NOX1: variants seen among roughly 807,000 people sequenced by gnomAD.
NOX1 encodes the protein NADPH oxidase 1, also known as NADH/NADPH mitogenic oxidase subunit P65-MOX.
NOX1 carries 34 observed loss-of-function variants against 42.5 expected under a neutral mutation model. The observed-to-expected ratio is 0.80, with a 90% CI of 0.61 to 1.07. The LOEUF is 1.07. NOX1 is among the 50% of genes least tolerant of loss of function. The pLI, the probability that NOX1 is intolerant of heterozygous loss-of-function variation, is 0.00. For missense variants in NOX1, 408 were observed against 427.0 expected, an observed-to-expected ratio of 0.96 and a Z score of 0.39; for synonymous variants, 143 against 152.5, an observed-to-expected ratio of 0.94 and a Z score of 0.46.
intron 7 of NOX1, 129 bp from the exon 8 acceptor site, chrX:100,851,454 A>C: frequency 2.9e-6 from 1 of 347,093 alleles, no homozygotes; most frequent in Non-Finnish European, 5.0e-6. Context: ...TACTAATTTC[A>C]CCAAATCTGG....
chrX:100,845,709 G>T (rs1395460503), intron 12 of NOX1, among the ~76,000 whole-genome samples: 6 of 102,589 alleles, frequency 5.8e-5, no homozygotes, highest in Non-Finnish European at 3.9e-5. Flanking sequence ...TCCACCTCCC[G>T]GGTTCAAGCG....
chrX:100,847,191 G>GA (rs1272390308), intron 12 of NOX1, among the ~76,000 whole-genome samples: 2 of 110,253 alleles, frequency 1.8e-5, no homozygotes, highest in Admixed American at 1.9e-4. Context: ...TGTGTCTCGA[G>GA]AAAAAAAGAG....
chrX:100,869,142 G>A (rs1237649649), intron 2 of NOX1, among the ~76,000 whole-genome samples: 2 of 110,876 alleles, frequency 1.8e-5, no homozygotes, highest in African/African-American at 3.3e-5. Flanking sequence ...TTGGCGATGC[G>A]GGCTCTTTTT....
rs779909590 is a variant in NOX1 at position 100,862,380 on chromosome X, C to T, written c.671+12G>A. Reference sequence around the variant, plus strand: ...GGGCTGGGGCATGAGAATGAGGGTTCGAGGATCTTACCCAATGCCGTGAAT... The same window carrying T: ...GGGCTGGGGCATGAGAATGAGGGTTTGAGGATCTTACCCAATGCCGTGAAT... On this transcript the variant is annotated intron_variant, in intron 6 of 12. Transcript: ENST00000372966. The T allele has an allele frequency of 1.5e-5, 18 of 1,208,805 alleles. No homozygotes were observed. The highest frequency in any genetic ancestry group is 1.8e-5 in the Non-Finnish European group (16 of 893,228).
At position 100,862,264 on chromosome X, in the gene NOX1, C is replaced by G. The variant is rs756894416; in HGVS notation, c.711G>C (p.Glu237Asp). ...VRGQTEESMN[E>D]SHPRKCAESF... ...ACTCTGCACACTTGCGAGGATGACT[C>G]TCATTCATGCTCTCCTCTGTTTGAC... is the stretch of plus-strand genomic sequence containing the variant. The change falls in exon 7 of 13, where the codon GAG becomes GAC. Residue 237 changes from glutamate (E) to aspartate (D), a missense_variant. Coordinates refer to ENST00000372966, the MANE Select transcript of NOX1 (RefSeq NM_007052.5). 5.8e-6 allele frequency: 7 copies of G among 1,208,593 alleles called. No homozygotes were observed. In the Admixed American group the frequency reaches 6.6e-5, roughly 11 times the overall value.
At chrX:100,859,100 T>C (rs977723537) in intron 7 of NOX1, among the ~76,000 whole-genome samples, 5 of 111,924 alleles carry the variant, frequency 4.5e-5, no homozygotes, top group African/African-American at 1.6e-4. Context: ...TTTTGAAATA[T>C]GTTCCAGCAA....
chrX:100,844,488 A>G (rs946513993), intron 12 of NOX1, among the ~76,000 whole-genome samples: 3 of 111,138 alleles, frequency 2.7e-5, no homozygotes, highest in Admixed American at 9.5e-5. Flanking sequence ...GCTGGAGTGC[A>G]GTGGCACAAT....
At chrX:100,845,978 G>T in intron 12 of NOX1, among the ~76,000 whole-genome samples, 1 of 110,441 alleles carries the variant, frequency 9.1e-6, no homozygotes, top group Non-Finnish European at 1.9e-5. Flanking sequence ...AGTAAAGACA[G>T]GGTTTCACCG....
chrX:100,869,979 T>C (rs2085263427), intron 2 of NOX1, among the ~76,000 whole-genome samples: 1 of 93,298 alleles, frequency 1.1e-5, no homozygotes, highest in Admixed American at 1.2e-4. Flanking sequence ...GATTTGTGTA[T>C]ATTGAACCAG....
chrX:100,853,280 T>TTCTTTCTTTCTTTCTCTCTCTTTC (rs1218095180), intron 7 of NOX1, among the ~76,000 whole-genome samples: 5 of 72,753 alleles, frequency 6.9e-5, no homozygotes, highest in African/African-American at 3.0e-4. Flanking sequence ...CTTTCTTTCT[T>TTCTTTCTTTCTTTCTCTCTCTTTC]TCTTTCTTTC....
At chrX:100,871,380 C>G (rs1293715024) in intron 1 of NOX1, among the ~76,000 whole-genome samples, 1 of 111,938 alleles carries the variant, frequency 8.9e-6, no homozygotes, top group Non-Finnish European at 1.9e-5. Flanking sequence ...ACTGTTGCAC[C>G]TAAAAGATGG....
At chrX:100,853,326 C>CTTTCTTTTT (rs1440649806) in intron 7 of NOX1, among the ~76,000 whole-genome samples, 2 of 21,229 alleles carry the variant, frequency 9.4e-5, no homozygotes, top group Non-Finnish European at 1.6e-4. Flanking sequence ...TTCTTTCTCT[C>CTTTCTTTTT]TCTTTCTCTT....
intron 7 of NOX1, among the ~76,000 whole-genome samples, chrX:100,856,699 T>C (rs1424762683): frequency 1.8e-5 from 2 of 109,523 alleles, no homozygotes; most frequent in Non-Finnish European, 3.8e-5. Flanking sequence ...CAGCCTCCCA[T>C]GTAGCTGGAA....
At chrX:100,870,253 T>TA (rs560653397) in intron 2 of NOX1, among the ~76,000 whole-genome samples, 936 of 91,491 alleles carry the variant, frequency 0.01, 8 homozygotes, top group African/African-American at 0.027. Flanking sequence ...TTCCTCCTTG[T>TA]AAAAAAAAAA....
Position 100,843,402 on chromosome X carries a change from A to C in NOX1, c.*550T>G. 1 of 1,146,436 alleles carries C rather than the reference A, an allele frequency of 8.7e-7. No homozygotes were observed. The allele number at this position is 1,146,436 out of a possible 1,213,427, so 94.5% of individuals were successfully genotyped here. A position where few individuals can be genotyped will look rare whatever the true frequency, so the allele number is the denominator to read the frequency against. The stretch of plus-strand genomic sequence containing the variant: ...TGCTGTTCACACTGGATAAGACCAT[A>C]TCAAAAGTGACAGTAAACATGTACA... On this transcript the variant is annotated 3_prime_UTR_variant, in exon 13 of 13. Transcript: ENST00000372966.
chrX:100,860,041 T>C (rs2085193778), intron 7 of NOX1, among the ~76,000 whole-genome samples: 1 of 110,872 alleles, frequency 9.0e-6, no homozygotes, highest in African/African-American at 3.3e-5. Flanking sequence ...TGTGAATTCT[T>C]CTGGAGAACA....
rs2085129900 is a variant in NOX1 at position 100,853,261 on chromosome X, C to CTTT, written c.805-1937_805-1936insAAA. ...TCTTTCTTTCCTTCCTTCCTTCCTT[C>CTTT]CTTTCTTTCTTTCTTTCTTTCTTTC... is the stretch of plus-strand genomic sequence containing the variant. On this transcript the variant is annotated intron_variant, in intron 7 of 12. Transcript: ENST00000372966. 8.1e-4 allele frequency among the ~76,000 whole-genome samples: 19 copies of CTTT among 23,450 alleles called. 1 individual carries two copies. The highest frequency in any genetic ancestry group is 2.2e-3 in the East Asian group (3 of 1,371). The allele number at this position is 23,450 out of a possible 115,157, so 20.4% of individuals were successfully genotyped here. A position where few individuals can be genotyped will look rare whatever the true frequency, so the allele number is the denominator to read the frequency against.
At chrX:100,847,748 A>G (rs899470811) in intron 12 of NOX1, among the ~76,000 whole-genome samples, 1 of 96,951 alleles carries the variant, frequency 1.0e-5, no homozygotes, top group African/African-American at 3.9e-5. Context: ...CCTGGGCGAC[A>G]AGAGCGAAAC....
chrX:100,868,395 G>T (rs926594660), intron 2 of NOX1, among the ~76,000 whole-genome samples: 4 of 111,986 alleles, frequency 3.6e-5, no homozygotes, highest in African/African-American at 1.3e-4. Context: ...ACTAGAGGTA[G>T]CAGTCAAATA....
Sources: allele counts gnomAD v4.1 joint callset (sites outside exome capture counted in the v4.1 genomes callset), GRCh38; gene constraint gnomAD v4.1.1; transcripts MANE v1.5; gene names NCBI Gene and HGNC (gene_info 2026-07-23, HGNC 2026-07-21).